Variants in TRANK1 observed in about 807,000 individuals in gnomAD.
The protein encoded by TRANK1 is TPR and ankyrin repeat-containing protein 1.
In TRANK1, 198 loss-of-function variants were observed where a neutral mutation model predicts 266.0. The observed-to-expected ratio is 0.74, with a 90% CI of 0.66 to 0.84. TRANK1 has a LOEUF of 0.84. TRANK1 is among the 40% of genes least tolerant of loss of function. The pLI is 0.00. For missense variants in TRANK1, 3,326 were observed against 3,634.6 expected, an observed-to-expected ratio of 0.92 and a Z score of 2.18; for synonymous variants, 1,396 against 1,384.1, an observed-to-expected ratio of 1.01 and a Z score of -0.19.
chr3:36,906,884 G>A (rs2079976649), intron 2 of TRANK1, among the ~76,000 whole-genome samples: 1 of 152,316 alleles, frequency 6.6e-6, no homozygotes, highest in African/African-American at 2.4e-5. Flanking sequence ...CCCTAAATTG[G>A]TGGTAACTTG....
chr3:36,854,415 AAT>A (rs1188062741), intron 13 of TRANK1, among the ~76,000 whole-genome samples: 3 of 152,166 alleles, frequency 2.0e-5, no homozygotes, highest in Non-Finnish European at 4.4e-5. Context: ...ATTAGGCAAA[AAT>A]ACCCAGTTAC....
rs139160067 is a variant in TRANK1 at position 36,845,326 on chromosome 3, T to C, written c.5191+922A>G. ...CCTTACTATCTGAACTATCGGTTCT[T>C]ACTATCTGAACTAAGAGTTCTTACT... is the stretch of plus-strand genomic sequence containing the variant. On this transcript the variant is annotated intron_variant, in intron 17 of 23. Coordinates refer to ENST00000645898, the MANE Select transcript of TRANK1 (RefSeq NM_001329998.2). Among the ~76,000 whole-genome samples the C allele has an allele frequency of 3.9e-5, 6 of 152,348 alleles. No homozygotes were observed. The East Asian group carries it at 1.2e-3, about 29-fold the overall frequency.
intron 13 of TRANK1, 25 bp from the exon 14 acceptor site, chr3:36,852,370 T>A (rs747247535): frequency 6.5e-7 from 1 of 1,529,866 alleles, no homozygotes; most frequent in South Asian, 1.3e-5. Context: ...AAAACCCAAG[T>A]TGGATAATTA....
chr3:36,916,610 G>C (rs1276803356), intron 1 of TRANK1, among the ~76,000 whole-genome samples: 1 of 152,150 alleles, frequency 6.6e-6, no homozygotes, highest in African/African-American at 2.4e-5. Context: ...CATCCTGGCT[G>C]AAGGCAAGAT....
chr3:36,860,099 C>T (rs371636838), intron 11 of TRANK1, among the ~76,000 whole-genome samples: 3 of 152,032 alleles, frequency 2.0e-5, no homozygotes, highest in South Asian at 4.1e-4. Flanking sequence ...TGTTTTTTCT[C>T]GTAAAAGACA....
At chr3:36,918,635 GAAAGAGAA>G (rs1227156278) in intron 1 of TRANK1, among the ~76,000 whole-genome samples, 2 of 145,098 alleles carry the variant, frequency 1.4e-5, no homozygotes, top group Admixed American at 6.9e-5. Context: ...AAGAAAGAAA[GAAAGAGAA>G]AGAAAGAGAG....
At chr3:36,899,341 A>T in intron 3 of TRANK1, 82 bp from the exon 4 acceptor site, 2 of 1,445,542 alleles carry the variant, frequency 1.4e-6, no homozygotes, top group Admixed American at 2.3e-5. Flanking sequence ...AATTGGCAAC[A>T]TGGGAAATCC....
intron 10 of TRANK1, among the ~76,000 whole-genome samples, chr3:36,862,903 CAA>C (rs1483234873): frequency 6.6e-6 from 1 of 151,566 alleles, no homozygotes; most frequent in Non-Finnish European, 1.5e-5. Flanking sequence ...TTAGGAGAGT[CAA>C]AAAAAGTCAC....
chr3:36,865,958 C>G (rs188262219), intron 9 of TRANK1, among the ~76,000 whole-genome samples: 12 of 133,464 alleles, frequency 9.0e-5, no homozygotes, highest in South Asian at 5.2e-4. Flanking sequence ...GAGAGAGAGA[C>G]AGAGAGAGAC....
chr3:36,870,799 G>C (rs1157354727), intron 9 of TRANK1, among the ~76,000 whole-genome samples: 2 of 151,798 alleles, frequency 1.3e-5, no homozygotes, highest in Non-Finnish European at 2.9e-5. Context: ...AGTGAAAAGG[G>C]GACACACTGA....
At chr3:36,841,227 T>C (rs563987691) in intron 18 of TRANK1, among the ~76,000 whole-genome samples, 4 of 152,324 alleles carry the variant, frequency 2.6e-5, no homozygotes, top group African/African-American at 7.2e-5. Context: ...AAAACACTGT[T>C]GCAAAACATT....
At chr3:36,880,320 G>C in intron 8 of TRANK1, 2 of 395,956 alleles carry the variant, frequency 5.1e-6, no homozygotes, top group Admixed American at 4.9e-5. Context: ...GAGAAACATC[G>C]ATTCTCCACT....
intron 1 of TRANK1, among the ~76,000 whole-genome samples, chr3:36,944,423 G>A (rs917614170): frequency 2.6e-5 from 4 of 152,216 alleles, no homozygotes; most frequent in African/African-American, 9.6e-5. Flanking sequence ...CCGGGGGCGC[G>A]CTCGCTGGTC....
chr3:36,860,286 A>C (rs1468447760), intron 11 of TRANK1, among the ~76,000 whole-genome samples: 1 of 152,232 alleles, frequency 6.6e-6, no homozygotes, highest in African/African-American at 2.4e-5. Context: ...CCACACAGTT[A>C]GTACTGGCAT....
Position 36,856,211 on chromosome 3 carries a change from C to T in TRANK1, c.3511G>A (p.Gly1171Arg). The T allele has an allele frequency of 1.2e-6, 2 of 1,613,890 alleles. No individual in the cohort carries two copies. The highest frequency in any genetic ancestry group is 1.7e-6 in the Non-Finnish European group (2 of 1,179,864). ...CAGGAGVEPA[G>R]DGQAAEVCAP... is the part of the protein sequence containing the mutation. ...CATACTTCTGCAGCTTGGCCGTCCC[C>T]TGCTGGCTCCACACCGGCTCCTCCT... Residue 1171 changes from glycine to arginine, a missense_variant, in exon 13 of 24, where the codon GGG (glycine) becomes AGG (arginine). By Grantham distance (125) the Gly-to-Arg change is moderately radical. Coordinates refer to ENST00000645898, the MANE Select transcript of TRANK1 (RefSeq NM_001329998.2).
rs116635635 is a variant in TRANK1 at position 36,849,560 on chromosome 3, A to T, written c.4887+2159T>A. Among the ~76,000 whole-genome samples, 109 of 152,342 alleles carry T rather than the reference A, an allele frequency of 7.2e-4. 1 individual carries two copies. The highest frequency in any genetic ancestry group is 2.5e-3 in the African/African-American group (104 of 41,582). ...GCTTCAAAGACAGAGCTTGCCTGAA[A>T]TATAAATGAGATGGAAGAAGAGGTC... On this transcript the variant is annotated intron_variant, in intron 15 of 23. Transcript: ENST00000645898.
chr3:36,861,857 C>G (rs944511378), intron 10 of TRANK1, among the ~76,000 whole-genome samples: 1 of 152,004 alleles, frequency 6.6e-6, no homozygotes, highest in African/African-American at 2.4e-5. Flanking sequence ...AGGCGCCCGC[C>G]ACAACACCCG....
chr3:36,881,218 G>A lies in TRANK1; in HGVS notation c.908-6922C>T, dbSNP rs148978550. Among the ~76,000 whole-genome samples the A allele has an allele frequency of 2.4e-4, 37 of 152,182 alleles. No homozygotes were observed. In the East Asian group the frequency reaches 4.4e-3, roughly 18 times the overall value. The stretch of plus-strand genomic sequence containing the variant: ...TGTAATCCCAGGACTTTGGGAGGCC[G>A]AGGAGGGCAGATCACCTGAGCTCAG... On this transcript the variant is annotated intron_variant, in intron 8 of 23. Transcript: ENST00000645898.
chr3:36,842,563 G>A, intron 18 of TRANK1, 59 bp downstream of exon 18: 1 of 1,466,086 alleles, frequency 6.8e-7, no homozygotes, highest in Non-Finnish European at 9.5e-7. Context: ...TGTGAAACCT[G>A]CCTGTGAGGT....
Sources: allele counts gnomAD v4.1 joint callset (sites outside exome capture counted in the v4.1 genomes callset), GRCh38; gene constraint gnomAD v4.1.1; transcripts MANE v1.5; gene names NCBI Gene and HGNC (gene_info 2026-07-23, HGNC 2026-07-21).